RABEPK: variants seen among roughly 807,000 people sequenced by gnomAD.
RABEPK encodes 40 kDa Rab9 effector protein.
A neutral mutation model predicts 34.1 loss-of-function variants in RABEPK; 27 were observed. The ratio of observed to expected loss-of-function variants is 0.79; its 90% CI spans 0.58 to 1.09. RABEPK has a LOEUF of 1.09. Ranked by LOEUF, RABEPK falls within the 50% of genes least tolerant of loss-of-function variation. The probability of loss-of-function intolerance (pLI) is 0.00; values close to 1 mark genes in which losing one functional copy is unlikely to be tolerated. For missense variants in RABEPK, 449 were observed against 462.6 expected (o/e 0.97, Z 0.27); for synonymous variants, 172 against 169.2 (o/e 1.02, Z -0.13).
intron 5 of RABEPK, 76 bp from the exon 6 acceptor site, chr9:125,227,834 A>G (rs1298592293): frequency 4.3e-6 from 6 of 1,400,718 alleles, no homozygotes; most frequent in African/African-American, 1.5e-5. Flanking sequence ...AGGAGGTGCT[A>G]CAGAGGCTTG....
chr9:125,220,800 T>A, intron 5 of RABEPK, 100 bp downstream of exon 5: 1 of 1,370,236 alleles, frequency 7.3e-7, no homozygotes, highest in Non-Finnish European at 9.7e-7. Flanking sequence ...CCTGACTAAG[T>A]GTCTCACTTC....
chr9:125,213,531 C>T lies in RABEPK; in HGVS notation c.364+9C>T. 4 of 1,611,120 alleles carry T rather than the reference C, an allele frequency of 2.5e-6. No individual in the cohort carries two copies. In the South Asian group the frequency reaches 3.3e-5, roughly 13 times the overall value. On this transcript the variant is annotated intron_variant, in intron 4 of 7. Coordinates refer to ENST00000373538, the MANE Select transcript of RABEPK (RefSeq NM_005833.4). Reference sequence around the variant, plus strand: ...ACAAGTCCTGAATCCTGGTAAGTAGCCAAAGGTTATTTTATTTACGTACAT... The same window carrying T: ...ACAAGTCCTGAATCCTGGTAAGTAGTCAAAGGTTATTTTATTTACGTACAT...
rs1470099855 is a variant in RABEPK, at chr9:125,200,728, C to A, written c.-185C>A. 2.1e-6 allele frequency: 1 copy of A among 471,114 alleles called. No homozygotes were observed. The highest frequency in any genetic ancestry group is 4.4e-6 in the Non-Finnish European group (1 of 227,068). The allele number at this position is 471,114 out of a possible 1,614,324, so 29.2% of individuals were successfully genotyped here. A position where few individuals can be genotyped will look rare whatever the true frequency, so the allele number is the denominator to read the frequency against. ...GGGCCTTCCCTGGCTCCGTCCCGGC[C>A]ACTTTGACCGAATCAGCCTGTTCTT... On this transcript the variant is annotated 5_prime_UTR_variant, in exon 1 of 8. Coordinates refer to ENST00000373538, the MANE Select transcript of RABEPK (RefSeq NM_005833.4).
In RABEPK at chr9:125,220,600, CA is replaced by C. The variant is rs1272081632; in HGVS notation, c.427del (p.Thr143HisfsTer36). On this transcript the variant is annotated frameshift_variant, in exon 5 of 8. Transcript: ENST00000373538. LOFTEE classifies it high-confidence loss of function. Reference sequence around the variant, plus strand: ...CCCCACCATCCCCAAGAACATTCCACACATCATCGGCAGCCATTGGAAACCA... The same window carrying C: ...CCCCACCATCCCCAAGAACATTCCACCATCATCGGCAGCCATTGGAAACCA... ...SPPPSPRTFH[T>X]SSAAIGNQLY... 6.2e-7 allele frequency: 1 copy of C among 1,614,082 alleles called. No individual in the cohort carries two copies. The highest frequency in any genetic ancestry group is 1.3e-5 in the African/African-American group (1 of 74,930).
intron 4 of RABEPK, among the ~76,000 whole-genome samples, chr9:125,216,302 C>T (rs2131393754): frequency 6.6e-6 from 1 of 152,082 alleles, no homozygotes; most frequent in Middle Eastern, 3.4e-3. Flanking sequence ...ATTTTTTGAC[C>T]TGGACATTTT....
chr9:125,229,442 A>G (rs1309663772), intron 6 of RABEPK, among the ~76,000 whole-genome samples: 1 of 152,194 alleles, frequency 6.6e-6, no homozygotes, highest in Non-Finnish European at 1.5e-5. Context: ...AAGAAAAGAA[A>G]AAAGAAAAAG....
chr9:125,200,547 C>G lies in RABEPK; in HGVS notation c.-366C>G, dbSNP rs1040716547. On this transcript the variant is annotated 5_prime_UTR_variant, in exon 1 of 8. Transcript: ENST00000373538. ...AAGCCCCGCCCCTCCGGGGTGGAGT[C>G]ACGGCTCGCGACTGGCCTAAGTCGC... is the stretch of plus-strand genomic sequence containing the variant. 2.6e-6 allele frequency: 1 copy of G among 379,032 alleles called. No homozygotes were observed. Among genetic ancestry groups the G allele is most frequent in the African/African-American group, 2.1e-5 (1 of 47,624 alleles). The allele number at this position is 379,032 out of a possible 1,614,324, so 23.5% of individuals were successfully genotyped here. A position where few individuals can be genotyped will look rare whatever the true frequency, so the allele number is the denominator to read the frequency against.
chr9:125,210,786 A>G (rs1830538857), intron 3 of RABEPK, among the ~76,000 whole-genome samples: 1 of 150,930 alleles, frequency 6.6e-6, no homozygotes, highest in South Asian at 2.1e-4. Flanking sequence ...ATGGTGACCC[A>G]CTTACGTATT....
At chr9:125,213,338 C>T in intron 3 of RABEPK, 32 bp from the exon 4 acceptor site, 3 of 1,600,006 alleles carry the variant, frequency 1.9e-6, no homozygotes, top group Non-Finnish European at 2.6e-6. Context: ...ATTGGCAGCC[C>T]CAATCTAGGA....
At chr9:125,210,871 A>G (rs1297990694) in intron 3 of RABEPK, among the ~76,000 whole-genome samples, 1 of 146,614 alleles carries the variant, frequency 6.8e-6, no homozygotes, top group Admixed American at 6.8e-5. Flanking sequence ...GGAGTCTCAA[A>G]CTGTCACCCA....
At chr9:125,224,899 GGA>G (rs1187250542) in intron 5 of RABEPK, among the ~76,000 whole-genome samples, 2 of 152,098 alleles carry the variant, frequency 1.3e-5, no homozygotes, top group Non-Finnish European at 2.9e-5. Context: ...TGCCACATCA[GGA>G]GTCCCTGCTA....
intron 5 of RABEPK, among the ~76,000 whole-genome samples, chr9:125,226,299 A>G (rs1831740617): frequency 6.6e-6 from 1 of 151,894 alleles, no homozygotes; most frequent in Non-Finnish European, 1.5e-5. Flanking sequence ...CCTGAGCAAC[A>G]GAGCAAAACT....
chr9:125,219,954 T>C (rs1335364465), intron 4 of RABEPK, among the ~76,000 whole-genome samples: 1 of 151,864 alleles, frequency 6.6e-6, no homozygotes, highest in East Asian at 1.9e-4. Flanking sequence ...TAGAAGAGGG[T>C]TCAGAGAGGA....
intron 3 of RABEPK, among the ~76,000 whole-genome samples, chr9:125,209,780 T>A (rs1017687315): frequency 2.0e-5 from 3 of 152,186 alleles, no homozygotes; most frequent in Non-Finnish European, 4.4e-5. Flanking sequence ...GGAATGTTTT[T>A]CCCTTTTCTT....
At chr9:125,216,064 G>T (rs1830910881) in intron 4 of RABEPK, among the ~76,000 whole-genome samples, 1 of 152,148 alleles carries the variant, frequency 6.6e-6, no homozygotes, top group Non-Finnish European at 1.5e-5. Context: ...AGGCTGAGGT[G>T]TACAGATCAC....
chr9:125,234,001 C>T lies in RABEPK; in HGVS notation c.*21C>T, dbSNP rs1278855688. 3.9e-6 allele frequency: 6 copies of T among 1,551,916 alleles called. No individual in the cohort carries two copies. In the East Asian group the frequency reaches 6.8e-5, roughly 18 times the overall value. On this transcript the variant is annotated 3_prime_UTR_variant, in exon 8 of 8. Coordinates refer to ENST00000373538, the MANE Select transcript of RABEPK (RefSeq NM_005833.4). The stretch of plus-strand genomic sequence containing the variant: ...ACTAATAAAACCCACATTTTTATTA[C>T]CTGTCAGTTACTTTCAGAATAGTTA...
intron 6 of RABEPK, among the ~76,000 whole-genome samples, chr9:125,228,632 C>G (rs1311033488): frequency 6.7e-6 from 1 of 150,036 alleles, no homozygotes; most frequent in East Asian, 2.0e-4. Context: ...GCACTCCAGC[C>G]TGGGCCACAG....
At chr9:125,216,978 A>G (rs1381305850) in intron 4 of RABEPK, among the ~76,000 whole-genome samples, 2 of 151,924 alleles carry the variant, frequency 1.3e-5, no homozygotes, top group African/African-American at 4.8e-5. Flanking sequence ...AAAAAAAAAA[A>G]AAAAGAAGAA....
At position 125,200,594 on chromosome 9, in the gene RABEPK, C is replaced by A. The variant is rs561146120; in HGVS notation, c.-319C>A. 4.5e-6 allele frequency: 2 copies of A among 439,840 alleles called. No homozygotes were observed. Among genetic ancestry groups the A allele is most frequent in the Non-Finnish European group, 4.8e-6 (1 of 208,450 alleles). 27.2% of individuals were successfully genotyped at this position (439,840 alleles called of 1,614,324 possible). The stretch of plus-strand genomic sequence containing the variant: ...TCGCCGCAGGTATTGCAGTCCGGGG[C>A]TGGAGGGTAGGGGCGAGGGTCCCCG... On this transcript the variant is annotated 5_prime_UTR_variant, in exon 1 of 8. In the 5' UTR this introduces an upstream ATG that the reference lacks. Coordinates refer to ENST00000373538, the MANE Select transcript of RABEPK (RefSeq NM_005833.4).
Sources: gnomAD v4.1 joint callset for allele counts (sites outside exome capture counted in the v4.1 genomes callset) on GRCh38, gnomAD v4.1.1 for gene constraint, MANE v1.5 for transcripts, NCBI Gene and HGNC (gene_info 2026-07-23, HGNC 2026-07-21) for gene names.